Variants in SHTN1 observed in about 807,000 individuals in gnomAD.
The protein encoded by SHTN1 is shootin-1.
A neutral mutation model predicts 83.1 loss-of-function variants in SHTN1; 42 were observed. The observed-to-expected ratio is 0.51, with a 90% confidence interval of 0.39 to 0.65. The LOEUF (loss-of-function observed/expected upper bound fraction) is 0.65, where lower values mean the gene tolerates loss of function less well. Ranked by LOEUF, SHTN1 falls within the 30% of genes least tolerant of loss-of-function variation. SHTN1 has a pLI of 0.00. For missense variants in SHTN1, 622 were observed against 737.8 expected, an observed-to-expected ratio of 0.84 and a Z score of 1.82; for synonymous variants, 224 against 247.7, an observed-to-expected ratio of 0.90 and a Z score of 0.90.
intron 1 of SHTN1, among the ~76,000 whole-genome samples, chr10:117,116,310 C>G (rs1797422029): frequency 6.6e-6 from 1 of 151,762 alleles, no homozygotes; most frequent in African/African-American, 2.4e-5. Context: ...AATTGGGAAA[C>G]CTAGAAGAAA....
At chr10:117,004,389 C>G (rs999136372) in intron 1 of SHTN1, among the ~76,000 whole-genome samples, 124 of 152,202 alleles carry the variant, frequency 8.1e-4, no homozygotes, top group African/African-American at 2.9e-3. Flanking sequence ...GAAATGCGTG[C>G]GCATGGCCTG....
intron 13 of SHTN1, among the ~76,000 whole-genome samples, chr10:116,913,384 T>C (rs76831470): frequency 0.023 from 3,572 of 152,146 alleles, 101 homozygotes; most frequent in East Asian, 0.094. Flanking sequence ...CATTCAGCAC[T>C]GTATCTACAC....
At chr10:116,996,772 G>A (rs1851641584) in intron 1 of SHTN1, among the ~76,000 whole-genome samples, 1 of 152,192 alleles carries the variant, frequency 6.6e-6, no homozygotes, top group South Asian at 2.1e-4. Flanking sequence ...CCTAGTCTCA[G>A]GACTAAGAGA....
chr10:117,054,912 T>A (rs1852806170), intron 1 of SHTN1, among the ~76,000 whole-genome samples: 1 of 152,142 alleles, frequency 6.6e-6, no homozygotes, highest in Non-Finnish European at 1.5e-5. Flanking sequence ...CCTACCTCCC[T>A]GAAATGTATA....
At chr10:117,088,107 GTAAC>G (rs1853376310) in intron 1 of SHTN1, among the ~76,000 whole-genome samples, 1 of 152,182 alleles carries the variant, frequency 6.6e-6, no homozygotes, top group Non-Finnish European at 1.5e-5. Context: ...GTGCTCCAGT[GTAAC>G]TAATATATTA....
At chr10:116,958,605 T>C (rs945959388) in intron 4 of SHTN1, among the ~76,000 whole-genome samples, 3 of 152,184 alleles carry the variant, frequency 2.0e-5, no homozygotes, top group African/African-American at 4.8e-5. Context: ...GGTATTATGA[T>C]GAAGCCAACC....
intron 1 of SHTN1, among the ~76,000 whole-genome samples, chr10:117,100,973 C>A (rs939131857): frequency 4.6e-5 from 7 of 152,150 alleles, no homozygotes; most frequent in Non-Finnish European, 8.8e-5. Context: ...TCACATTATG[C>A]AGAACCTTAT....
chr10:116,900,927 T>C (rs1847709290), intron 16 of SHTN1: 1 of 985,316 alleles, frequency 1.0e-6, no homozygotes, highest in Non-Finnish European at 1.2e-6. Context: ...CAAAAATAGA[T>C]CCAAATTGAA....
rs375401323 is a variant in SHTN1, at chr10:116,961,602, T to C, written c.173-1372A>G. Among the ~76,000 whole-genome samples, 7 of 152,334 alleles carry C rather than the reference T, an allele frequency of 4.6e-5. No homozygotes were observed. The East Asian group carries it at 7.7e-4, about 17-fold the overall frequency. On this transcript the variant is annotated intron_variant, in intron 3 of 16. Coordinates refer to ENST00000355371, the MANE Select transcript of SHTN1 (RefSeq NM_001127211.3). ...CAGGGCCTAAAAGCTGCTGATGGCATTGACTTCGAGAAACTCCCACTCAAT... is the reference window on the plus strand; with the variant it reads ...CAGGGCCTAAAAGCTGCTGATGGCACTGACTTCGAGAAACTCCCACTCAAT...
At chr10:116,900,502 A>G (rs1418196843) in intron 16 of SHTN1, 12 of 1,492,700 alleles carry the variant, frequency 8.0e-6, no homozygotes, top group Non-Finnish European at 9.9e-6. Flanking sequence ...AGGCAGACAA[A>G]AGGAGGAAGG....
At chr10:116,914,266 G>A (rs1452474304) in intron 13 of SHTN1, among the ~76,000 whole-genome samples, 4 of 152,166 alleles carry the variant, frequency 2.6e-5, no homozygotes, top group African/African-American at 9.7e-5. Context: ...GAAGTCAAGA[G>A]ATCGAGACCA....
intron 1 of SHTN1, among the ~76,000 whole-genome samples, chr10:117,098,871 G>T (rs1853545602): frequency 6.6e-6 from 1 of 152,100 alleles, no homozygotes; most frequent in Non-Finnish European, 1.5e-5. Flanking sequence ...CCCTGAAGGA[G>T]ATAAAGAATA....
Position 116,945,259 on chromosome 10 carries a change from T to C in SHTN1, c.617-241A>G, listed in dbSNP as rs926822645. 4.3e-4 allele frequency among the ~76,000 whole-genome samples: 66 copies of C among 152,184 alleles called. 2 individuals are homozygous for C. The highest frequency in any genetic ancestry group is 2.4e-5 in the African/African-American group (1 of 41,442). ...ACTTCCAGGAATGCATATGCTAAGA[T>C]TGTAACACATGAGCATATACAGACA... is the stretch of plus-strand genomic sequence containing the variant. On this transcript the variant is annotated intron_variant, in intron 7 of 16. Coordinates refer to ENST00000355371, the MANE Select transcript of SHTN1 (RefSeq NM_001127211.3).
chr10:117,032,034 A>G (rs1391803844), intron 2 of SHTN1, among the ~76,000 whole-genome samples: 1 of 128,324 alleles, frequency 7.8e-6, no homozygotes, highest in East Asian at 2.3e-4. Context: ...AGACACACAT[A>G]GACTGAAAAT....
At chr10:117,040,037 A>G (rs942261236) in intron 2 of SHTN1, among the ~76,000 whole-genome samples, 1 of 152,174 alleles carries the variant, frequency 6.6e-6, no homozygotes, top group Non-Finnish European at 1.5e-5. Flanking sequence ...GGGACAAATT[A>G]AAGAAAGCTG....
intron 9 of SHTN1, among the ~76,000 whole-genome samples, chr10:116,936,106 C>CA (rs1849148788): frequency 6.6e-6 from 1 of 152,000 alleles, no homozygotes; most frequent in Non-Finnish European, 1.5e-5. Flanking sequence ...TTAATCTTTT[C>CA]AAAAAACCAG....
At chr10:117,077,052 G>A (rs533409324) in intron 1 of SHTN1, among the ~76,000 whole-genome samples, 7 of 152,116 alleles carry the variant, frequency 4.6e-5, no homozygotes, top group African/African-American at 1.7e-4. Context: ...TTTCATATTA[G>A]ATCTTAAGCT....
chr10:116,910,678 T>C (rs1848156972), intron 14 of SHTN1, among the ~76,000 whole-genome samples: 1 of 152,222 alleles, frequency 6.6e-6, no homozygotes, highest in African/African-American at 2.4e-5. Flanking sequence ...GAACATGAAT[T>C]AGCATTATAA....
chr10:117,035,583 G>C (rs575414810), intron 2 of SHTN1, among the ~76,000 whole-genome samples: 1 of 152,072 alleles, frequency 6.6e-6, no homozygotes, highest in African/African-American at 2.4e-5. Context: ...CCCATCTGAC[G>C]GGGATTAATA....
Sources: allele counts gnomAD v4.1 joint callset (sites outside exome capture counted in the v4.1 genomes callset), GRCh38; gene constraint gnomAD v4.1.1; transcripts MANE v1.5; gene names NCBI Gene and HGNC (gene_info 2026-07-23, HGNC 2026-07-21).